The following MYH7 variants were observed in gnomAD, a reference collection of about 807,000 sequenced individuals.
MYH7 encodes myosin-7.
A neutral mutation model predicts 225.4 loss-of-function variants in MYH7; 129 were observed. The ratio of observed to expected loss-of-function variants is 0.57; its 90% CI spans 0.50 to 0.66. The LOEUF (loss-of-function observed/expected upper bound fraction) is 0.66. Ranked by LOEUF, MYH7 falls within the 30% of genes least tolerant of loss-of-function variation. The pLI, the probability that MYH7 is intolerant of heterozygous loss-of-function variation, is 0.00. For missense variants in MYH7, 1,649 were observed against 2,517.0 expected (o/e 0.66, Z 7.38); for synonymous variants, 971 against 1,007.6 (o/e 0.96, Z 0.69).
In MYH7 at chr14:23,415,486, C is replaced by T. The variant is rs747252861; in HGVS notation, c.5178G>A (p.Gln1726=). 2 of 1,614,216 alleles carry T rather than the reference C, an allele frequency of 1.2e-6. No homozygotes were observed. Among genetic ancestry groups the T allele is most frequent in the South Asian group, 1.1e-5 (1 of 91,080 alleles). The change falls in exon 36 of 40, where the codon CAG becomes CAA. Residue 1726 remains glutamine (Q), a synonymous_variant. Coordinates refer to ENST00000355349, the MANE Select transcript of MYH7 (RefSeq NM_000257.4). This position sits in a 1 kb window ranked among gnomAD's most constrained non-coding sequence, Gnocchi z 6.3. ...LHSQNTSLIN[Q]KKKMDADLSQ... ...ACAGGTCAGCATCCATCTTCTTCTT[C>T]TGGTTGATGAGGCTGGTGTTCTGGG...
chr14:23,417,951 T>C lies in MYH7; in HGVS notation c.4169+259A>G, dbSNP rs201797477. The C allele has an allele frequency of 1.2e-4, 105 of 865,162 alleles. 1 individual carries two copies. The highest frequency in any genetic ancestry group is 1.9e-4 in the Non-Finnish European group (92 of 496,630). The allele number at this position is 865,162 out of a possible 1,614,324, so 53.6% of individuals were successfully genotyped here. A position where few individuals can be genotyped will look rare whatever the true frequency, so the allele number is the denominator to read the frequency against. On this transcript the variant is annotated intron_variant, in intron 30 of 39. Transcript: ENST00000355349. ...CTTCTGCAGCCCTCCCCACTGCCTT[T>C]CCCTGCCACAGTGCCCTGCCCCAGA...
Position 23,428,820 on chromosome 14 carries a change from A to T in MYH7, c.1407+135T>A, listed in dbSNP as rs2754164. On this transcript the variant is annotated intron_variant, in intron 14 of 39. Coordinates refer to ENST00000355349, the MANE Select transcript of MYH7 (RefSeq NM_000257.4). The stretch of plus-strand genomic sequence containing the variant: ...AGGAGGGCTTCCCCTGAAGACAGAG[A>T]AAATGACTGCCTCTGTCACCACACA... The T allele has an allele frequency of 0.073, 115,417 of 1,571,564 alleles. 4,478 individuals carry two copies. Among genetic ancestry groups the T allele is most frequent in the South Asian group, 0.1 (8,847 of 87,284 alleles).
intron 39 of MYH7, 70 bp downstream of exon 39, chr14:23,413,689 G>A (rs1892062680): frequency 6.2e-7 from 1 of 1,604,378 alleles, no homozygotes; most frequent in Non-Finnish European, 8.5e-7. Context: ...AAGCATCCCG[G>A]GTTTGAGGGT....
Position 23,431,639 on chromosome 14 carries a change from A to G in MYH7, c.678T>C (p.Ala226=), listed in dbSNP as rs1595089480. 6.2e-7 allele frequency: 1 copy of G among 1,614,270 alleles called. No individual in the cohort carries two copies. Among genetic ancestry groups the G allele is most frequent in the Admixed American group, 1.7e-5 (1 of 60,030 alleles). Reference sequence around the variant, plus strand: ...TCTTGGCATTGCCAAAGGCCTCCAGAGCAGGGTTGGCCTGGATGATCTGGT... The same window carrying G: ...TCTTGGCATTGCCAAAGGCCTCCAGGGCAGGGTTGGCCTGGATGATCTGGT... ...LEDQIIQANP[A]LEAFGNAKTV... Residue 226 remains alanine (A), a synonymous_variant, in exon 8 of 40, where the codon GCT becomes GCC. Coordinates refer to ENST00000355349, the MANE Select transcript of MYH7 (RefSeq NM_000257.4).
At chr14:23,421,837 A>G (rs898336597) in intron 25 of MYH7, 7 of 957,570 alleles carry the variant, frequency 7.3e-6, no homozygotes, top group Non-Finnish European at 8.7e-6. Flanking sequence ...GGACTTTCCT[A>G]AGAGGCTCTC....
Position 23,425,450 on chromosome 14 carries a change from G to A in MYH7, c.2287-32C>T. 1 of 1,614,048 alleles carries A rather than the reference G, an allele frequency of 6.2e-7. No homozygotes were observed. The highest frequency in any genetic ancestry group is 8.5e-7 in the Non-Finnish European group (1 of 1,180,044). On this transcript the variant is annotated intron_variant, in intron 20 of 39. Transcript: ENST00000355349. The surrounding 1 kb of genome is among the most constrained non-coding windows in gnomAD (Gnocchi z 4.6). ...GCAAGGTGTGTGTTGGCCATGACTA[G>A]GGAGGGGTACGAGGGAAAGAGATGG...
At chr14:23,419,319 A>T in intron 28 of MYH7, 24 bp from the exon 29 acceptor site, 1 of 1,613,756 alleles carries the variant, frequency 6.2e-7, no homozygotes, top group Non-Finnish European at 8.5e-7. Flanking sequence ...ATTCTAGATC[A>T]GCACTCCTCT....
At position 23,424,980 on chromosome 14, in the gene MYH7, C is replaced by T. The variant is rs1278076805; in HGVS notation, c.2468G>A (p.Gly823Glu). The change falls in exon 22 of 40, where the codon GGG becomes GAG. Residue 823 changes from glycine to glutamate, a missense_variant. By Grantham distance (98) the Gly-to-Glu change is moderately conservative (BLOSUM62 -2). This residue lies in a region of MYH7 where 10 missense variants were observed against 35.5 expected (regional missense o/e 0.28). Transcript: ENST00000355349. ...CTTCATCCAGGGCCAATTCTTGACC[C>T]CCATGAAGGCCCGAATGTTCCACTG... ...VIQWNIRAFMGVKNWPWMKLY... is the reference protein window; with the variant it reads ...VIQWNIRAFMEVKNWPWMKLY... 6.2e-7 allele frequency: 1 copy of T among 1,614,210 alleles called. No individual in the cohort carries two copies. Among genetic ancestry groups the T allele is most frequent in the Non-Finnish European group, 8.5e-7 (1 of 1,180,040 alleles).
chr14:23,414,645 C>T (rs917487770), intron 37 of MYH7, among the ~76,000 whole-genome samples: 2 of 152,110 alleles, frequency 1.3e-5, no homozygotes. Flanking sequence ...AGTTTTTATG[C>T]TTGTTTGAAT....
Position 23,419,493 on chromosome 14 carries a change from T to A in MYH7, c.3843A>T (p.Gln1281His). 1 of 1,614,120 alleles carries A rather than the reference T, an allele frequency of 6.2e-7. No individual in the cohort carries two copies. Among genetic ancestry groups the A allele is most frequent in the Non-Finnish European group, 8.5e-7 (1 of 1,180,030 alleles). ...NDLTSQRAKL[Q>H]TENGELSRQL... is the part of the protein sequence containing the mutation. ...CTGCTCTAGGCTCACCATTCTCGGT[T>A]TGCAACTTGGCCCGCTGGCTGGTGA... is the stretch of plus-strand genomic sequence containing the variant. Residue 1281 changes from glutamine to histidine, a missense_variant, in exon 28 of 40, where the codon CAA (glutamine) becomes CAT (histidine). Around this residue, in one of 12 missense-constraint regions of MYH7, gnomAD observed 687 missense variants for 913.8 expected, o/e 0.75. Transcript: ENST00000355349.
chr14:23,417,309 C>A lies in MYH7; in HGVS notation c.4363G>T (p.Glu1455Ter). 6.2e-7 allele frequency: 1 copy of A among 1,613,950 alleles called. No individual in the cohort carries two copies. The highest frequency in any genetic ancestry group is 8.5e-7 in the Non-Finnish European group (1 of 1,180,040). Residue 1455 changes from glutamate (E) to a stop codon, truncating the protein, a stop_gained, in exon 32 of 40, where the codon GAG (glutamate) becomes TAG (stop). Transcript: ENST00000355349. LOFTEE classifies it high-confidence loss of function. Reference protein sequence around the residue: ...KQRNFDKILAEWKQKYEESQS... With the variant: ...KQRNFDKILA ...GACTCCTCATACTTCTGCTTCCACT[C>A]GGCCAGGATCTGCCCGGGGACAAGG...
chr14:23,417,679 G>T lies in MYH7; in HGVS notation c.4177C>A (p.Leu1393Met). 6.2e-7 allele frequency: 1 copy of T among 1,612,784 alleles called. No homozygotes were observed. The highest frequency in any genetic ancestry group is 8.5e-7 in the Non-Finnish European group (1 of 1,180,016). The change falls in exon 31 of 40, where the codon CTG becomes ATG. Residue 1393 changes from leucine to methionine, a missense_variant. Leu to Met is a conservative substitution (Grantham distance 15). Transcript: ENST00000355349. ...TCAGCTTCCTGCAGCCGCTGGGCCA[G>T]CTTCTTCCTGCCCAGGGGAGGGTGG... is the stretch of plus-strand genomic sequence containing the variant. ...TEELEEAKKK[L>M]AQRLQEAEEA...
rs775308431 is a variant in MYH7, at chr14:23,419,527, A to G, written c.3809T>C (p.Val1270Ala). The G allele has an allele frequency of 2.5e-6, 4 of 1,613,846 alleles. No individual in the cohort carries two copies. The African/African-American group carries it at 5.3e-5, about 22-fold the overall frequency. ...GGCCCGCTGGCTGGTGAGGTCGTTG[A>G]CAGAACGCTGGGTCTCCTCCGCCTT... Reference protein sequence around the residue: ...RSKAEETQRSVNDLTSQRAKL... With the variant: ...RSKAEETQRSANDLTSQRAKL... The change falls in exon 28 of 40, where the codon GTC becomes GCC. Residue 1270 changes from valine (V) to alanine (A), a missense_variant. This residue lies in a region of MYH7 where 687 missense variants were observed against 913.8 expected (regional missense o/e 0.75). Transcript: ENST00000355349.
chr14:23,417,255 C>G lies in MYH7; in HGVS notation c.4417G>C (p.Glu1473Gln). The G allele has an allele frequency of 6.2e-7, 1 of 1,614,212 alleles. No homozygotes were observed. ...AGCTCTGTGCTGAGGGAGCGAGCCT[C>G]CTTCTGCGAGGACTCCAGCTCCGAC... ...SQSELESSQK[E>Q]ARSLSTELFK... The change falls in exon 32 of 40, where the codon GAG (glutamate) becomes CAG (glutamine). Residue 1473 changes from glutamate (E) to glutamine (Q), a missense_variant. Physicochemically the swap from Glu to Gln is conservative, Grantham distance 29. Coordinates refer to ENST00000355349, the MANE Select transcript of MYH7 (RefSeq NM_000257.4).
intron 24 of MYH7, among the ~76,000 whole-genome samples, chr14:23,422,759 T>A (rs1009410130): frequency 6.6e-6 from 1 of 151,708 alleles, no homozygotes; most frequent in African/African-American, 2.4e-5. Flanking sequence ...GCCTCCTGAG[T>A]AGCTGGGACT....
intron 1 of MYH7, 44 bp from the exon 2 acceptor site, chr14:23,434,293 C>T (rs1893065829): frequency 2.0e-6 from 2 of 994,088 alleles, no homozygotes; most frequent in Non-Finnish European, 2.4e-6. Flanking sequence ...CTGTGCCCAA[C>T]CTGACCAGTC....
chr14:23,420,810 A>G, intron 26 of MYH7, 148 bp downstream of exon 26: 1 of 699,156 alleles, frequency 1.4e-6, no homozygotes, highest in Non-Finnish European at 2.6e-6. Flanking sequence ...GGATGTATCC[A>G]TGGGCACACT....
chr14:23,417,475 C>T lies in MYH7; in HGVS notation c.4353+28G>A, dbSNP rs770431026. On this transcript the variant is annotated intron_variant, in intron 31 of 39. Coordinates refer to ENST00000355349, the MANE Select transcript of MYH7 (RefSeq NM_000257.4). Reference sequence around the variant, plus strand: ...CCCTCATGCCCCCTTGCCCTGCATGCTGGCTGCGGCCCCCACCCAGGGCCC... The same window carrying T: ...CCCTCATGCCCCCTTGCCCTGCATGTTGGCTGCGGCCCCCACCCAGGGCCC... 9.3e-6 allele frequency: 15 copies of T among 1,612,166 alleles called. No homozygotes were observed. In the African/African-American group the frequency reaches 2.0e-4, roughly 22 times the overall value.
chr14:23,412,915 T>C (rs1191651106), intron 39 of MYH7, 44 bp from the exon 40 acceptor site: 2 of 1,606,104 alleles, frequency 1.2e-6, no homozygotes, highest in Admixed American at 3.3e-5. Context: ...GGAGAGATGG[T>C]ATTGGGCAGG....
Sources: gnomAD v4.1 joint callset for allele counts (sites outside exome capture counted in the v4.1 genomes callset) on GRCh38, gnomAD v4.1.1 for gene constraint, gnomAD v4.1.1 regional missense constraint, Gnocchi (gnomAD v3.1) non-coding constraint, MANE v1.5 for transcripts, NCBI Gene and HGNC (gene_info 2026-07-23, HGNC 2026-07-21) for gene names.